Variants in MAPK8IP3 observed in about 807,000 individuals in gnomAD.
MAPK8IP3 encodes the protein mitogen-activated protein kinase 8 interacting protein 3.
Under a neutral mutation model 157.8 loss-of-function variants are expected in MAPK8IP3, and 49 were observed. That is an observed-to-expected ratio of 0.31 (90% CI 0.25 to 0.39). MAPK8IP3 has a LOEUF of 0.39. Ranked by LOEUF, MAPK8IP3 falls within the 10% of genes least tolerant of loss-of-function variation. The pLI, the probability that MAPK8IP3 is intolerant of heterozygous loss-of-function variation, is 1.00. For synonymous variants in MAPK8IP3, 897 were observed against 777.7 expected, an observed-to-expected ratio of 1.15 and a Z score of -2.55; for missense variants, 1,478 against 1,889.4, an observed-to-expected ratio of 0.78 and a Z score of 4.04.
chr16:1,765,805 C>T (rs919314570), intron 20 of MAPK8IP3, among the ~76,000 whole-genome samples, 155 bp from the exon 21 acceptor site: 2 of 152,154 alleles, frequency 1.3e-5, no homozygotes, highest in African/African-American at 2.4e-5. Flanking sequence ...GGCAGAGGGT[C>T]GTGGGTGGGC....
intron 2 of MAPK8IP3, among the ~76,000 whole-genome samples, chr16:1,725,549 C>G (rs933688240): frequency 6.6e-6 from 1 of 151,592 alleles, no homozygotes; most frequent in Non-Finnish European, 1.5e-5. Flanking sequence ...ATCGCTTGAA[C>G]CCAAGAGGCG....
intron 9 of MAPK8IP3, among the ~76,000 whole-genome samples, chr16:1,758,547 C>A (rs1433842679): frequency 1.3e-5 from 2 of 152,192 alleles, no homozygotes; most frequent in Non-Finnish European, 2.9e-5. Flanking sequence ...GGTCCCCTCC[C>A]CACGTGGGTG....
intron 4 of MAPK8IP3, among the ~76,000 whole-genome samples, chr16:1,734,392 T>G (rs1262073733): frequency 1.3e-5 from 2 of 152,118 alleles, no homozygotes; most frequent in African/African-American, 4.8e-5. Context: ...GTTGCGGTGG[T>G]GGCATTAAGA....
chr16:1,762,275 G>A lies in MAPK8IP3; in HGVS notation c.1540-76G>A, dbSNP rs968109953. 1.3e-5 allele frequency: 19 copies of A among 1,487,956 alleles called. No individual in the cohort carries two copies. In the African/African-American group the frequency reaches 1.9e-4, roughly 15 times the overall value. 92.2% of individuals were successfully genotyped at this position (1,487,956 alleles called of 1,614,324 possible). ...TTGGCACTGAGATCCACCTATACGT[G>A]TAGGCACCCCAGGAGGAAGCAGGTG... On this transcript the variant is annotated intron_variant, in intron 13 of 31. Coordinates refer to ENST00000610761, the MANE Select transcript of MAPK8IP3 (RefSeq NM_001318852.2).
chr16:1,726,611 G>T (rs776207770), intron 2 of MAPK8IP3, among the ~76,000 whole-genome samples: 3 of 152,170 alleles, frequency 2.0e-5, no homozygotes, highest in Non-Finnish European at 4.4e-5. Context: ...AGGAGGGAGA[G>T]GCTGCAGTAA....
At position 1,769,857 on chromosome 16, in the gene MAPK8IP3, C is replaced by T. The variant is rs1279223751; in HGVS notation, c.*1033C>T. On this transcript the variant is annotated 3_prime_UTR_variant, in exon 32 of 32. Transcript: ENST00000610761. ...CTTCCAGGGAGCAACAGAGAGGCCA[C>T]CAAGCAGAGGCCCGTGGGGCTGAGG... The T allele has an allele frequency of 1.3e-5, 2 of 152,322 alleles. No homozygotes were observed. The highest frequency in any genetic ancestry group is 2.4e-5 in the African/African-American group (1 of 41,418). 9.4% of individuals were successfully genotyped at this position (152,322 alleles called of 1,614,324 possible).
In MAPK8IP3 at chr16:1,767,797, C is replaced by T; in HGVS notation, c.3410-8C>T. On this transcript the variant is annotated splice_region_variant and splice_polypyrimidine_tract_variant and intron_variant, in intron 27 of 31. Coordinates refer to ENST00000610761, the MANE Select transcript of MAPK8IP3 (RefSeq NM_001318852.2). ...AAGGCCAGCCACCCTGACCGCTCTC[C>T]CCCACAGGCACTGGCAAGCTGGGTT... The T allele has an allele frequency of 1.2e-6, 2 of 1,611,552 alleles. No homozygotes were observed. Among genetic ancestry groups the T allele is most frequent in the Non-Finnish European group, 8.5e-7 (1 of 1,179,910 alleles).
chr16:1,764,656 C>T (rs1489355362), intron 19 of MAPK8IP3, among the ~76,000 whole-genome samples, 197 bp downstream of exon 19: 1 of 152,162 alleles, frequency 6.6e-6, no homozygotes, highest in African/African-American at 2.4e-5. Flanking sequence ...TCAGTTTTCA[C>T]CCCCCAGGTG....
chr16:1,743,512 C>G lies in MAPK8IP3; in HGVS notation c.747+36C>G, dbSNP rs761219388. On this transcript the variant is annotated intron_variant, in intron 5 of 31. Coordinates refer to ENST00000610761, the MANE Select transcript of MAPK8IP3 (RefSeq NM_001318852.2). This position sits in a 1 kb window ranked among gnomAD's most constrained non-coding sequence, Gnocchi z 5.6. ...CGTGCCGTGGAGTGAGAGGCTCCTC[C>G]CTGTTGCTGGTGTTCCCCGTTCACT... is the stretch of plus-strand genomic sequence containing the variant. 1 of 1,602,038 alleles carries G rather than the reference C, an allele frequency of 6.2e-7. No homozygotes were observed. Among genetic ancestry groups the G allele is most frequent in the Admixed American group, 1.7e-5 (1 of 59,270 alleles).
At chr16:1,709,895 A>G (rs2037656543) in intron 1 of MAPK8IP3, among the ~76,000 whole-genome samples, 2 of 152,220 alleles carry the variant, frequency 1.3e-5, no homozygotes, top group Non-Finnish European at 2.9e-5. Flanking sequence ...TTAACCCTAA[A>G]GAAACTGCTG....
In MAPK8IP3 at chr16:1,768,892, G is replaced by A. The variant is rs865904911; in HGVS notation, c.*68G>A. ...ACCACCTGACCCCCGCCCGGCCCGC[G>A]GGGTAGCCAGCCAGGCGCCGCCGCC... On this transcript the variant is annotated 3_prime_UTR_variant, in exon 32 of 32. Transcript: ENST00000610761. 39 of 1,573,362 alleles carry A rather than the reference G, an allele frequency of 2.5e-5. No homozygotes were observed. Among genetic ancestry groups the A allele is most frequent in the Middle Eastern group, 1.9e-4 (1 of 5,264 alleles).
chr16:1,752,469 A>C (rs1210492455), intron 8 of MAPK8IP3: 3 of 361,254 alleles, frequency 8.3e-6, no homozygotes, highest in East Asian at 2.3e-4. Flanking sequence ...GAGGCCAGGC[A>C]CAGTCACTCA....
intron 1 of MAPK8IP3, chr16:1,714,169 GCCGTTTGT>G (rs2037980045): frequency 6.6e-6 from 1 of 152,308 alleles, no homozygotes; most frequent in Non-Finnish European, 1.5e-5. Flanking sequence ...TCCCAGCAGT[GCCGTTTGT>G]CCATCCGCCT....
chr16:1,767,010 A>T, intron 25 of MAPK8IP3, 39 bp downstream of exon 25: 1 of 1,568,338 alleles, frequency 6.4e-7, no homozygotes, highest in Non-Finnish European at 8.7e-7. Context: ...GTGGCAGCTG[A>T]TGGCCCTGGC....
chr16:1,732,671 A>T (rs1346134426), intron 4 of MAPK8IP3, among the ~76,000 whole-genome samples: 1 of 152,128 alleles, frequency 6.6e-6, no homozygotes, highest in Admixed American at 6.5e-5. Flanking sequence ...GGGCGTGTGG[A>T]TGCCAGCTTG....
At chr16:1,718,984 G>A (rs553499845) in intron 1 of MAPK8IP3, among the ~76,000 whole-genome samples, 1 of 152,270 alleles carries the variant, frequency 6.6e-6, no homozygotes, top group Admixed American at 6.5e-5. Flanking sequence ...CAGGAGGATT[G>A]CTTGAGCCCA....
intron 4 of MAPK8IP3, among the ~76,000 whole-genome samples, chr16:1,738,722 AGTGT>A (rs1353449270): frequency 9.3e-6 from 1 of 107,714 alleles, no homozygotes. Context: ...CATCCGTGTG[AGTGT>A]GACCACCCAT....
rs758624652 is a variant in MAPK8IP3 at position 1,759,941 on chromosome 16, C to T, written c.1247-17C>T. 9.9e-6 allele frequency: 16 copies of T among 1,612,660 alleles called. No homozygotes were observed. Among genetic ancestry groups the T allele is most frequent in the African/African-American group, 5.3e-5 (4 of 74,928 alleles). ...TTTTGAAGGGCACAGGTGAAACCTC[C>T]GCACCTTCTGTTTCAGGAATGGGCA... On this transcript the variant is annotated splice_polypyrimidine_tract_variant and intron_variant, in intron 10 of 31. Coordinates refer to ENST00000610761, the MANE Select transcript of MAPK8IP3 (RefSeq NM_001318852.2).
Position 1,743,535 on chromosome 16 carries a change from A to T in MAPK8IP3, c.747+59A>T. The T allele has an allele frequency of 6.3e-7, 1 of 1,578,496 alleles. No individual in the cohort carries two copies. Among genetic ancestry groups the T allele is most frequent in the South Asian group, 1.1e-5 (1 of 87,652 alleles). ...TCCCTGTTGCTGGTGTTCCCCGTTC[A>T]CTGGGGCGGGAGCCTCGTCTGCAGG... On this transcript the variant is annotated intron_variant, in intron 5 of 31. Coordinates refer to ENST00000610761, the MANE Select transcript of MAPK8IP3 (RefSeq NM_001318852.2). This position sits in a 1 kb window ranked among gnomAD's most constrained non-coding sequence, Gnocchi z 5.6.
Sources: allele counts gnomAD v4.1 joint callset (sites outside exome capture counted in the v4.1 genomes callset), GRCh38; gene constraint gnomAD v4.1.1; non-coding constraint Gnocchi (gnomAD v3.1); transcripts MANE v1.5; gene names NCBI Gene and HGNC (gene_info 2026-07-23, HGNC 2026-07-21).